FBXO4: variants seen among roughly 807,000 people sequenced by gnomAD.
FBXO4 encodes F-box only protein 4.
A neutral mutation model predicts 43.7 loss-of-function variants in FBXO4; 36 were observed. That is an observed-to-expected ratio of 0.82 (90% CI 0.63 to 1.09). The LOEUF is 1.09. FBXO4 is among the 50% of genes least tolerant of loss of function. FBXO4 has a pLI of 0.00. For synonymous variants in FBXO4, 180 were observed against 165.6 expected, an observed-to-expected ratio of 1.09 and a Z score of -0.67; for missense variants, 435 against 474.1, an observed-to-expected ratio of 0.92 and a Z score of 0.77.
At chr5:42,011,809 T>C in the FBXO4 span, among the ~76,000 whole-genome samples, 1 of 152,210 alleles carries the variant, frequency 6.6e-6, no homozygotes, top group Non-Finnish European at 1.5e-5. Flanking sequence ...CAAATAACCA[T>C]GCCAAATTTG....
Position 41,934,200 on chromosome 5 carries a change from G to GAACAAC in FBXO4, c.792_793insCAACAA (p.Glu264_Gly265insGlnGln). The GAACAAC allele has an allele frequency of 6.2e-7, 1 of 1,614,128 alleles. No individual in the cohort carries two copies. Among genetic ancestry groups the GAACAAC allele is most frequent in the Non-Finnish European group, 8.5e-7 (1 of 1,179,990 alleles). On this transcript the variant is annotated inframe_insertion, in exon 5 of 7. Transcript: ENST00000281623. Reference sequence around the variant, plus strand: ...TAACAAGATGTTCAGTCGACACAATGAAGGTGATGATCAACAAGGAAGCCG... The same window carrying GAACAAC: ...TAACAAGATGTTCAGTCGACACAATGAACAACAAGGTGATGATCAACAAGGAAGCCG...
intron 1 of FBXO4, 68 bp downstream of exon 1, chr5:41,925,566 C>A (rs897562178): frequency 1.7e-6 from 2 of 1,188,816 alleles, no homozygotes; most frequent in Admixed American, 4.2e-5. Flanking sequence ...TCCCCTGGAG[C>A]CCCCCGGGGC....
the FBXO4 span, among the ~76,000 whole-genome samples, chr5:42,007,825 C>A: frequency 6.6e-5 from 10 of 152,082 alleles, no homozygotes; most frequent in Non-Finnish European, 8.8e-5. Context: ...GTAGACTAAT[C>A]CCAATTATTT....
chr5:42,039,596 G>A, the FBXO4 span, among the ~76,000 whole-genome samples: 2 of 151,936 alleles, frequency 1.3e-5, no homozygotes, highest in Non-Finnish European at 2.9e-5. Flanking sequence ...ATGTACTCTG[G>A]GCTGGCCTCA....
At chr5:42,018,856 A>G in the FBXO4 span, among the ~76,000 whole-genome samples, 3 of 152,326 alleles carry the variant, frequency 2.0e-5, no homozygotes, top group African/African-American at 7.2e-5. Context: ...ATGTAACTTC[A>G]TCTTTGTCAA....
At chr5:41,942,988 G>T (rs745848573), downstream of FBXO4, among the ~76,000 whole-genome samples, 18 of 152,100 alleles carry the variant, frequency 1.2e-4, no homozygotes, top group Non-Finnish European at 1.9e-4. Flanking sequence ...TGACAGCTGT[G>T]TCAGGCAATG....
the FBXO4 span, among the ~76,000 whole-genome samples, chr5:42,013,000 C>G: frequency 6.6e-6 from 1 of 152,104 alleles, no homozygotes; most frequent in African/African-American, 2.4e-5. Flanking sequence ...AGTGGTTTAT[C>G]ATGGGATTCA....
chr5:42,032,057 CTGTG>C, the FBXO4 span, among the ~76,000 whole-genome samples: 5,923 of 139,086 alleles, frequency 0.043, 164 homozygotes, highest in African/African-American at 0.078. Flanking sequence ...GTCTTTTTTT[CTGTG>C]TGTGTGTGTG....
chr5:41,978,489 G>A, the FBXO4 span, among the ~76,000 whole-genome samples: 1 of 152,160 alleles, frequency 6.6e-6, no homozygotes, highest in Non-Finnish European at 1.5e-5. Context: ...AACCCAGATA[G>A]AACCACTTTA....
chr5:41,950,633 A>G, the FBXO4 span, among the ~76,000 whole-genome samples: 618 of 152,338 alleles, frequency 4.1e-3, 8 homozygotes, highest in African/African-American at 0.014. Context: ...AATTAGTTCA[A>G]CCATTGTGGA....
the FBXO4 span, among the ~76,000 whole-genome samples, chr5:41,979,317 A>G: frequency 6.6e-6 from 1 of 152,296 alleles, no homozygotes; most frequent in Middle Eastern, 3.4e-3. Context: ...AAAGGTGACA[A>G]GCTATCCACA....
chr5:41,925,446 C>T lies in FBXO4; in HGVS notation c.137C>T (p.Thr46Met), dbSNP rs757232639. 5.9e-6 allele frequency: 8 copies of T among 1,360,982 alleles called. No homozygotes were observed. In the Admixed American group the frequency reaches 1.2e-4, roughly 20 times the overall value. 84.3% of individuals were successfully genotyped at this position (1,360,982 alleles called of 1,614,324 possible). A position where few individuals can be genotyped will look rare whatever the true frequency, so the allele number is the denominator to read the frequency against. ...GTGAGCAAGGAGAGGGTGGCGCGTA[C>T]GACCTCACGGGAGGAGGTGGATGAG... ...QSVSKERVARTTSREEVDEAA... is the reference protein window; with the variant it reads ...QSVSKERVARMTSREEVDEAA... Residue 46 changes from threonine (T) to methionine (M), a missense_variant, in exon 1 of 7, where the codon ACG becomes ATG. Physicochemically the swap from Thr to Met is moderately conservative, Grantham distance 81. Transcript: ENST00000281623.
intron 3 of FBXO4, among the ~76,000 whole-genome samples, chr5:41,931,980 A>G (rs541408820): frequency 6.6e-6 from 1 of 152,296 alleles, no homozygotes; most frequent in African/African-American, 2.4e-5. Flanking sequence ...CTTTACCTTG[A>G]GTTTTGAGAA....
the FBXO4 span, among the ~76,000 whole-genome samples, chr5:41,966,212 G>A: frequency 2.6e-5 from 4 of 151,814 alleles, no homozygotes; most frequent in Non-Finnish European, 5.9e-5. Context: ...TGAGTTACTG[G>A]GTGCAGCACA....
the FBXO4 span, among the ~76,000 whole-genome samples, chr5:41,948,742 C>T: frequency 6.6e-6 from 1 of 152,088 alleles, no homozygotes; most frequent in African/African-American, 2.4e-5. Flanking sequence ...TAAGTAGATA[C>T]AATTTTTTTC....
the FBXO4 span, among the ~76,000 whole-genome samples, chr5:41,966,161 G>A: frequency 3.3e-5 from 5 of 152,154 alleles, no homozygotes; most frequent in East Asian, 7.7e-4. Flanking sequence ...GTGGGGGCAA[G>A]GGGGAGGATA....
chr5:41,953,493 G>T, the FBXO4 span, among the ~76,000 whole-genome samples: 1 of 152,154 alleles, frequency 6.6e-6, no homozygotes, highest in Non-Finnish European at 1.5e-5. Flanking sequence ...ATGATTTATA[G>T]TCCTTTGGGT....
the FBXO4 span, among the ~76,000 whole-genome samples, chr5:41,959,767 C>T: frequency 6.6e-6 from 1 of 152,054 alleles, no homozygotes; most frequent in Non-Finnish European, 1.5e-5. Context: ...TACTATAATT[C>T]TCTAGTAGAT....
At chr5:41,972,379 A>G in the FBXO4 span, among the ~76,000 whole-genome samples, 5 of 152,126 alleles carry the variant, frequency 3.3e-5, no homozygotes, top group Admixed American at 3.3e-4. Context: ...ACCTAGGAAT[A>G]TAGCTAACAA....
Sources: gnomAD v4.1 joint callset for allele counts (sites outside exome capture counted in the v4.1 genomes callset) on GRCh38, gnomAD v4.1.1 for gene constraint, MANE v1.5 for transcripts, NCBI Gene and HGNC (gene_info 2026-07-23, HGNC 2026-07-21) for gene names.